The following IGSF3 variants were observed in gnomAD, a reference collection of about 807,000 sequenced individuals.
The protein encoded by IGSF3 is glu-Trp-Ile EWI motif-containing protein 3.
Under a neutral mutation model 114.4 loss-of-function variants are expected in IGSF3, and 23 were observed. That is an observed-to-expected ratio of 0.20 (90% CI 0.14 to 0.28). IGSF3 has a LOEUF of 0.28. Ranked by LOEUF, IGSF3 falls within the 10% of genes least tolerant of loss-of-function variation. The pLI is 1.00. For synonymous variants in IGSF3, 571 were observed against 645.2 expected, an observed-to-expected ratio of 0.88 and a Z score of 1.74; for missense variants, 1,172 against 1,591.5, an observed-to-expected ratio of 0.74 and a Z score of 4.48.
chr1:116,663,540 C>T (rs941978146), intron 2 of IGSF3, among the ~76,000 whole-genome samples: 11 of 151,938 alleles, frequency 7.2e-5, no homozygotes, highest in African/African-American at 2.7e-4. Flanking sequence ...GGGTGAGGCA[C>T]CTAGGGTTAG....
intron 7 of IGSF3, among the ~76,000 whole-genome samples, chr1:116,591,843 A>C (rs561146352): frequency 2.0e-5 from 3 of 152,206 alleles, no homozygotes; most frequent in Non-Finnish European, 2.9e-5. Context: ...AGCCCTGCCC[A>C]CTTAGAGACC....
rs374291658 is a variant in IGSF3 at position 116,628,486 on chromosome 1, C to G, written c.44-12029G>C. Among the ~76,000 whole-genome samples the G allele has an allele frequency of 3.3e-5, 5 of 152,162 alleles. No individual in the cohort carries two copies. In the East Asian group the frequency reaches 9.7e-4, roughly 29 times the overall value. On this transcript the variant is annotated intron_variant, in intron 2 of 10. Coordinates refer to ENST00000369486, the MANE Select transcript of IGSF3 (RefSeq NM_001007237.3). This position sits in a 1 kb window ranked among gnomAD's most constrained non-coding sequence, Gnocchi z 4.2. ...CCCAACACACTCAGATCTAGGTGAC[C>G]TTGACCAGATGGGCATCTGTATTCC...
intron 2 of IGSF3, among the ~76,000 whole-genome samples, chr1:116,646,151 C>T (rs546623392): frequency 2.1e-4 from 32 of 152,276 alleles, no homozygotes; most frequent in South Asian, 6.2e-4. Flanking sequence ...AGAGTGGGGC[C>T]GGAGACAGAA....
chr1:116,666,383 T>G lies in IGSF3; in HGVS notation c.-57A>C. ...CGCTTCCTCTTCTCCCAGCTCCTAA[T>G]CTCTCATTTCTGGCAATCCACTTAT... On this transcript the variant is annotated 5_prime_UTR_variant, in exon 2 of 11. Transcript: ENST00000369486. 6.6e-7 allele frequency: 1 copy of G among 1,524,630 alleles called. No individual in the cohort carries two copies. The highest frequency in any genetic ancestry group is 9.1e-7 in the Non-Finnish European group (1 of 1,098,436). The allele number at this position is 1,524,630 out of a possible 1,614,324, so 94.4% of individuals were successfully genotyped here.
intron 7 of IGSF3, among the ~76,000 whole-genome samples, chr1:116,590,066 G>A (rs190479467): frequency 6.6e-6 from 1 of 152,168 alleles, no homozygotes; most frequent in Non-Finnish European, 1.5e-5. Context: ...CTGCGGGCGG[G>A]GGGAGAGGGG....
rs1385397542 is a variant in IGSF3 at position 116,644,925 on chromosome 1, G to A, written c.43+21359C>T. Among the ~76,000 whole-genome samples, 5 of 152,180 alleles carry A rather than the reference G, an allele frequency of 3.3e-5. No individual in the cohort carries two copies. The highest frequency in any genetic ancestry group is 2.1e-4 in the South Asian group (1 of 4,824). The stretch of plus-strand genomic sequence containing the variant: ...GGTCCCCTTCATACATGGCTGGTGG[G>A]GAGGTAGGATGGTGCAGCCACTTTG... On this transcript the variant is annotated intron_variant, in intron 2 of 10. Transcript: ENST00000369486. This position sits in a 1 kb window ranked among gnomAD's most constrained non-coding sequence, Gnocchi z 5.6.
intron 2 of IGSF3, among the ~76,000 whole-genome samples, chr1:116,621,492 C>T (rs1396006534): frequency 6.6e-6 from 1 of 152,188 alleles, no homozygotes; most frequent in East Asian, 1.9e-4. Context: ...TGACTGCAAC[C>T]TCCTGGGAGA....
Position 116,610,031 on chromosome 1 carries a change from A to G in IGSF3, c.833-1700T>C, listed in dbSNP as rs1034667321. Among the ~76,000 whole-genome samples, 2 of 152,116 alleles carry G rather than the reference A, an allele frequency of 1.3e-5. No homozygotes were observed. Among genetic ancestry groups the G allele is most frequent in the Admixed American group, 6.5e-5 (1 of 15,288 alleles). On this transcript the variant is annotated intron_variant, in intron 4 of 10. Transcript: ENST00000369486. This position sits in a 1 kb window ranked among gnomAD's most constrained non-coding sequence, Gnocchi z 4.3. The stretch of plus-strand genomic sequence containing the variant: ...CATCAACTCCAGGGCCTCCCCTCCA[A>G]TGAAGTAGCTGCTGTCACAGCTTCT...
In IGSF3 at chr1:116,618,854, C is replaced by T. The variant is rs1197151058; in HGVS notation, c.44-2397G>A. On this transcript the variant is annotated intron_variant, in intron 2 of 10. Transcript: ENST00000369486. The surrounding 1 kb of genome is among the most constrained non-coding windows in gnomAD (Gnocchi z 4.7). Reference sequence around the variant, plus strand: ...TGACAGCGCAACTACAACCAACCCCCATACATCTCCTGCAAAGAAGGCTAG... The same window carrying T: ...TGACAGCGCAACTACAACCAACCCCTATACATCTCCTGCAAAGAAGGCTAG... Among the ~76,000 whole-genome samples, 2 of 152,174 alleles carry T rather than the reference C, an allele frequency of 1.3e-5. No homozygotes were observed. Among genetic ancestry groups the T allele is most frequent in the African/African-American group, 2.4e-5 (1 of 41,448 alleles).
chr1:116,625,898 C>T lies in IGSF3; in HGVS notation c.44-9441G>A, dbSNP rs1332803121. On this transcript the variant is annotated intron_variant, in intron 2 of 10. Transcript: ENST00000369486. This position sits in a 1 kb window ranked among gnomAD's most constrained non-coding sequence, Gnocchi z 4.7. ...TGCAAACCCAGTAATTCATTTCATC[C>T]CAACCTGACTGATCTCTCTGATGTC... is the stretch of plus-strand genomic sequence containing the variant. 6.6e-6 allele frequency among the ~76,000 whole-genome samples: 1 copy of T among 152,174 alleles called. No individual in the cohort carries two copies. Among genetic ancestry groups the T allele is most frequent in the African/African-American group, 2.4e-5 (1 of 41,430 alleles).
intron 2 of IGSF3, among the ~76,000 whole-genome samples, chr1:116,620,992 G>T (rs994026135): frequency 6.6e-6 from 1 of 152,164 alleles, no homozygotes; most frequent in Admixed American, 6.5e-5. Flanking sequence ...AATCCCCAAT[G>T]TTAGAGGTGG....
rs985311713 is a variant in IGSF3, at chr1:116,657,620, G to T, written c.43+8664C>A. Among the ~76,000 whole-genome samples the T allele has an allele frequency of 6.6e-6, 1 of 152,198 alleles. No homozygotes were observed. Among genetic ancestry groups the T allele is most frequent in the Non-Finnish European group, 1.5e-5 (1 of 68,046 alleles). ...GAAACCAAAGATTTCAAAATACGGA[G>T]CTCCTGGGGGAAGGAGAGTTAATAA... On this transcript the variant is annotated intron_variant, in intron 2 of 10. Transcript: ENST00000369486. The surrounding 1 kb of genome is among the most constrained non-coding windows in gnomAD (Gnocchi z 4.2).
rs1306457857 is a variant in IGSF3 at position 116,647,974 on chromosome 1, C to A, written c.43+18310G>T. On this transcript the variant is annotated intron_variant, in intron 2 of 10. Transcript: ENST00000369486. The surrounding 1 kb of genome is among the most constrained non-coding windows in gnomAD (Gnocchi z 4.6). Reference sequence around the variant, plus strand: ...CAAAAATTAGCTGGGTGTGATGGCACACGCCTGTAATCCTAGTTACTCGGG... The same window carrying A: ...CAAAAATTAGCTGGGTGTGATGGCAAACGCCTGTAATCCTAGTTACTCGGG... Among the ~76,000 whole-genome samples, 1 of 152,154 alleles carries A rather than the reference C, an allele frequency of 6.6e-6. No individual in the cohort carries two copies. Among genetic ancestry groups the A allele is most frequent in the Non-Finnish European group, 1.5e-5 (1 of 68,030 alleles).
chr1:116,614,853 C>T lies in IGSF3; in HGVS notation c.422-678G>A, dbSNP rs537041645. Among the ~76,000 whole-genome samples the T allele has an allele frequency of 6.6e-6, 1 of 152,276 alleles. No homozygotes were observed. The highest frequency in any genetic ancestry group is 2.1e-4 in the South Asian group (1 of 4,828). On this transcript the variant is annotated intron_variant, in intron 3 of 10. Transcript: ENST00000369486. The surrounding 1 kb of genome is among the most constrained non-coding windows in gnomAD (Gnocchi z 4.5). ...CCGTGATCCCTTGGTCAGAATCATA[C>T]CCTGATCCTTGCTTGCACCTTTCTG...
intron 2 of IGSF3, among the ~76,000 whole-genome samples, chr1:116,652,906 C>T (rs926206327): frequency 6.6e-6 from 1 of 152,146 alleles, no homozygotes; most frequent in African/African-American, 2.4e-5. Context: ...TCTCTGTACC[C>T]GTACGGAGAT....
intron 4 of IGSF3, among the ~76,000 whole-genome samples, chr1:116,611,698 T>C (rs995725696): frequency 3.9e-5 from 6 of 152,234 alleles, no homozygotes; most frequent in African/African-American, 1.4e-4. Context: ...AAGAAACTTA[T>C]TGGTGTTCCT....
chr1:116,623,740 T>G lies in IGSF3; in HGVS notation c.44-7283A>C, dbSNP rs530789215. ...AAACCAGGACAGCTCGAGGTTCAGCTTCCCAAGCCCACAGGTGCAAGGACC... is the reference window on the plus strand; with the variant it reads ...AAACCAGGACAGCTCGAGGTTCAGCGTCCCAAGCCCACAGGTGCAAGGACC... On this transcript the variant is annotated intron_variant, in intron 2 of 10. Transcript: ENST00000369486. Among the ~76,000 whole-genome samples the G allele has an allele frequency of 4.6e-5, 7 of 151,864 alleles. No homozygotes were observed. The South Asian group carries it at 1.5e-3, about 32-fold the overall frequency.
rs1451752389 is a variant in IGSF3, at chr1:116,576,149, C to T, written c.*1163G>A. On this transcript the variant is annotated 3_prime_UTR_variant, in exon 11 of 11. Transcript: ENST00000369486. This position sits in a 1 kb window ranked among gnomAD's most constrained non-coding sequence, Gnocchi z 4.6. ...CACACCTCCAGGGAGGTAGATATTT[C>T]TCTGCACTCTCCAACACCAGGCCCT... 1 of 152,446 alleles carries T rather than the reference C, an allele frequency of 6.6e-6. No individual in the cohort carries two copies. The highest frequency in any genetic ancestry group is 1.9e-4 in the East Asian group (1 of 5,196). 9.4% of individuals were successfully genotyped at this position (152,446 alleles called of 1,614,324 possible). A position where few individuals can be genotyped will look rare whatever the true frequency, so the allele number is the denominator to read the frequency against.
chr1:116,606,286 C>T (rs1273994623), intron 5 of IGSF3, among the ~76,000 whole-genome samples: 3 of 152,258 alleles, frequency 2.0e-5, no homozygotes, highest in East Asian at 1.9e-4. Context: ...GAACAATCAG[C>T]TCTGTCACTT....
Sources: gnomAD v4.1 joint callset for allele counts (sites outside exome capture counted in the v4.1 genomes callset) on GRCh38, gnomAD v4.1.1 for gene constraint, Gnocchi (gnomAD v3.1) non-coding constraint, MANE v1.5 for transcripts, NCBI Gene and HGNC (gene_info 2026-07-23, HGNC 2026-07-21) for gene names.